Variants in GOLGA8A observed in about 807,000 individuals in gnomAD.
GOLGA8A encodes golgin subfamily A member 8A.
GOLGA8A carries 3 observed loss-of-function variants against 22.1 expected under a neutral mutation model. The observed-to-expected ratio is 0.14, with a 90% CI of 0.06 to 0.35. The LOEUF is 0.35. Ranked by LOEUF, GOLGA8A falls within the 10% of genes least tolerant of loss-of-function variation. The pLI, the probability that GOLGA8A is intolerant of heterozygous loss-of-function variation, is 1.00. For synonymous variants in GOLGA8A, 7 were observed against 91.7 expected, an observed-to-expected ratio of 0.08 and a Z score of 5.28; for missense variants, 16 against 233.2, an observed-to-expected ratio of 0.07 and a Z score of 6.07.
rs75335863 is a variant in GOLGA8A, at chr15:34,434,412, A to G, written c.-1123+971T>C. Among the ~76,000 whole-genome samples, 4 of 149,300 alleles carry G rather than the reference A, an allele frequency of 2.7e-5. 1 individual carries two copies. Among genetic ancestry groups the G allele is most frequent in the African/African-American group, 9.9e-5 (4 of 40,476 alleles). On this transcript the variant is annotated intron_variant, in intron 2 of 24. Coordinates refer to ENST00000359187, the MANE Select transcript of GOLGA8A (RefSeq NM_181077.5). ...CACCAGTACGCAGGGTTCCACATAG[A>G]GAGCCTGGCTGCATGATCTTGAGGT... is the stretch of plus-strand genomic sequence containing the variant.
chr15:34,431,304 TATATATA>T (rs1893225732), intron 2 of GOLGA8A, among the ~76,000 whole-genome samples: 1 of 12,598 alleles, frequency 7.9e-5, no homozygotes, highest in Non-Finnish European at 1.9e-4. Flanking sequence ...TATATATATA[TATATATA>T]CATATATATA....
intron 2 of GOLGA8A, among the ~76,000 whole-genome samples, chr15:34,434,518 G>A (rs941561205): frequency 1.6e-4 from 24 of 149,134 alleles, no homozygotes; most frequent in African/African-American, 5.7e-4. Flanking sequence ...AGAAACGACA[G>A]TGCCCATGAC....
rs933460763 is a variant in GOLGA8A at position 34,422,700 on chromosome 15, C to T, written c.-1123+12683G>A. Among the ~76,000 whole-genome samples, 58 of 88,358 alleles carry T rather than the reference C, an allele frequency of 6.6e-4. 8 individuals are homozygous for T. The highest frequency in any genetic ancestry group is 1.1e-3 in the Admixed American group (7 of 6,414). 58.0% of individuals were successfully genotyped at this position (88,358 alleles called of 152,430 possible). The stretch of plus-strand genomic sequence containing the variant: ...TGCTACTTGGCCTTGTGTACGCTCG[C>T]GCTCGTGCGCTTGTGCGCTCTCTCT... On this transcript the variant is annotated intron_variant, in intron 2 of 24. Transcript: ENST00000359187.
intron 2 of GOLGA8A, among the ~76,000 whole-genome samples, chr15:34,430,494 C>A (rs1220701355): frequency 2.7e-5 from 4 of 149,068 alleles, no homozygotes; most frequent in African/African-American, 9.9e-5. Context: ...CTCAGTCCTG[C>A]CTCAGGGGCT....
At chr15:34,409,619 T>TC (rs1231841689) in intron 2 of GOLGA8A, 1 of 540,720 alleles carries the variant, frequency 1.8e-6, no homozygotes, top group Non-Finnish European at 3.3e-6. Context: ...ACCAGAAGAG[T>TC]CTACCATGGC....
At position 34,380,112 on chromosome 15, in the gene GOLGA8A, A is replaced by G. The variant is rs1233840690; in HGVS notation, c.*1299T>C. 1 of 152,458 alleles carries G rather than the reference A, an allele frequency of 6.6e-6. No homozygotes were observed. Among genetic ancestry groups the G allele is most frequent in the African/African-American group, 2.4e-5 (1 of 41,480 alleles). The allele number at this position is 152,458 out of a possible 1,614,324, so 9.4% of individuals were successfully genotyped here. On this transcript the variant is annotated 3_prime_UTR_variant, in exon 25 of 25. Coordinates refer to ENST00000359187, the MANE Select transcript of GOLGA8A (RefSeq NM_181077.5). The stretch of plus-strand genomic sequence containing the variant: ...CTAAAATTCCTTTTTGTTTCAACTA[A>G]GTACTCTCACATATATTAGTTTATA...
rs1392211248 is a variant in GOLGA8A, at chr15:34,425,064, G to A, written c.-1123+10319C>T. 2.7e-5 allele frequency among the ~76,000 whole-genome samples: 4 copies of A among 146,650 alleles called. 1 individual carries two copies. Among genetic ancestry groups the A allele is most frequent in the Non-Finnish European group, 4.5e-5 (3 of 66,420 alleles). The stretch of plus-strand genomic sequence containing the variant: ...TTCGCACCGCTGCAATCCAGCCTGG[G>A]TGACAAAGTAAGACAGTCTCAAAAA... On this transcript the variant is annotated intron_variant, in intron 2 of 24. Coordinates refer to ENST00000359187, the MANE Select transcript of GOLGA8A (RefSeq NM_181077.5).
At chr15:34,419,424 GTTTCTTTC>G (rs1279832484) in intron 2 of GOLGA8A, 1 of 7,822 alleles carries the variant, frequency 1.3e-4, no homozygotes, top group Admixed American at 1.6e-3. Flanking sequence ...CCCAGCTCCC[GTTTCTTTC>G]TTTCTTTCTT....
At chr15:34,436,806 C>G (rs1408620934) in intron 1 of GOLGA8A, among the ~76,000 whole-genome samples, 1 of 149,778 alleles carries the variant, frequency 6.7e-6, no homozygotes, top group Non-Finnish European at 1.5e-5. Flanking sequence ...CGCAGGTCCG[C>G]ACCGTGCCCC....
At position 34,429,898 on chromosome 15, in the gene GOLGA8A, A is replaced by T. The variant is rs534594112; in HGVS notation, c.-1123+5485T>A. On this transcript the variant is annotated intron_variant, in intron 2 of 24. Coordinates refer to ENST00000359187, the MANE Select transcript of GOLGA8A (RefSeq NM_181077.5). ...TGTCCCGCACCCCTTTGTTTCCACT[A>T]TTAGATTAAGCCACCCTATGTGACA... is the stretch of plus-strand genomic sequence containing the variant. Among the ~76,000 whole-genome samples the T allele has an allele frequency of 3.4e-5, 5 of 148,154 alleles. No homozygotes were observed. The Admixed American group carries it at 3.4e-4, about 10-fold the overall frequency.
At chr15:34,426,175 C>T (rs1458739278) in intron 2 of GOLGA8A, among the ~76,000 whole-genome samples, 3 of 149,212 alleles carry the variant, frequency 2.0e-5, no homozygotes, top group Admixed American at 1.4e-4. Flanking sequence ...CAGCATTCTC[C>T]GTGAGTGTGA....
intron 2 of GOLGA8A, among the ~76,000 whole-genome samples, chr15:34,431,310 TA>T (rs1566913934): frequency 0.11 from 2,742 of 25,526 alleles, 285 homozygotes; most frequent in South Asian, 0.18. Flanking sequence ...TATATATATA[TA>T]CATATATATA....
At chr15:34,434,997 G>A (rs1764625526) in intron 2 of GOLGA8A, among the ~76,000 whole-genome samples, 2 of 149,568 alleles carry the variant, frequency 1.3e-5, no homozygotes, top group Non-Finnish European at 3.0e-5. Context: ...CCAGTGATGT[G>A]TGCTGGGCCT....
chr15:34,430,008 CG>C lies in GOLGA8A; in HGVS notation c.-1123+5374del, dbSNP rs940568994. Among the ~76,000 whole-genome samples, 159 of 146,768 alleles carry C rather than the reference CG, an allele frequency of 1.1e-3. 14 individuals carry two copies. The highest frequency in any genetic ancestry group is 3.8e-3 in the African/African-American group (153 of 40,002). Reference sequence around the variant, plus strand: ...ATGCTGCCAGTCCAGGGGTCCCCCACGGCAGCTCCCCAAATGAAACCAAGAC... The same window carrying C: ...ATGCTGCCAGTCCAGGGGTCCCCCACGCAGCTCCCCAAATGAAACCAAGAC... On this transcript the variant is annotated intron_variant, in intron 2 of 24. Coordinates refer to ENST00000359187, the MANE Select transcript of GOLGA8A (RefSeq NM_181077.5).
In GOLGA8A at chr15:34,431,994, C is replaced by T. The variant is rs578029623; in HGVS notation, c.-1123+3389G>A. Among the ~76,000 whole-genome samples, 6 of 148,792 alleles carry T rather than the reference C, an allele frequency of 4.0e-5. 1 individual carries two copies. The highest frequency in any genetic ancestry group is 2.0e-4 in the East Asian group (1 of 5,054). ...AATCCTAAATGTCAATAGTGTTCTC[C>T]GACTCACTATTTACTAATAAGAGTT... On this transcript the variant is annotated intron_variant, in intron 2 of 24. Transcript: ENST00000359187.
chr15:34,430,237 C>G (rs974981098), intron 2 of GOLGA8A, among the ~76,000 whole-genome samples: 1 of 149,108 alleles, frequency 6.7e-6, no homozygotes, highest in Non-Finnish European at 1.5e-5. Context: ...CTTCTGCTCT[C>G]AAAGCTTCCA....
intron 2 of GOLGA8A, among the ~76,000 whole-genome samples, chr15:34,433,041 TG>T (rs1224291680): frequency 6.7e-6 from 1 of 149,260 alleles, no homozygotes; most frequent in African/African-American, 2.5e-5. Flanking sequence ...AGACTGGTCC[TG>T]GGCCCCAGGG....
intron 2 of GOLGA8A, among the ~76,000 whole-genome samples, chr15:34,425,163 A>G (rs1410566332): frequency 7.9e-6 from 1 of 127,108 alleles, no homozygotes; most frequent in East Asian, 2.9e-4. Context: ...GAATGAAAAA[A>G]GAAGAGGAAT....
At chr15:34,430,230 C>T (rs1434913442) in intron 2 of GOLGA8A, among the ~76,000 whole-genome samples, 1 of 149,164 alleles carries the variant, frequency 6.7e-6, no homozygotes, top group African/African-American at 2.5e-5. Flanking sequence ...GGAGGGGCTT[C>T]TGCTCTCAAA....
Sources: allele counts gnomAD v4.1 joint callset (sites outside exome capture counted in the v4.1 genomes callset), GRCh38; gene constraint gnomAD v4.1.1; transcripts MANE v1.5; gene names NCBI Gene and HGNC (gene_info 2026-07-23, HGNC 2026-07-21).